The following CCND3 variants were observed in gnomAD, a reference collection of about 807,000 sequenced individuals.
CCND3 encodes G1/S-specific cyclin-D3.
A neutral mutation model predicts 28.7 loss-of-function variants in CCND3; 9 were observed. That is an observed-to-expected ratio of 0.31 (90% CI 0.19 to 0.55). The LOEUF (loss-of-function observed/expected upper bound fraction) is 0.55. Ranked by LOEUF, CCND3 falls within the 20% of genes least tolerant of loss-of-function variation. The pLI, the probability that CCND3 is intolerant of heterozygous loss-of-function variation, is 0.93. For missense variants in CCND3, 315 were observed against 385.8 expected, an observed-to-expected ratio of 0.82 and a Z score of 1.54; for synonymous variants, 164 against 163.9, an observed-to-expected ratio of 1.00 and a Z score of 0.00.
At chr6:41,998,349 AT>A (rs34342484) in intron 1 of CCND3, among the ~76,000 whole-genome samples, 105,803 of 117,226 alleles carry the variant, frequency 0.9, 47,838 homozygotes, top group East Asian at 0.98. Flanking sequence ...ACAATATCCA[AT>A]TTTTTTTTTT....
intron 1 of CCND3, among the ~76,000 whole-genome samples, chr6:41,961,459 C>A (rs1009511865): frequency 6.6e-6 from 1 of 152,050 alleles, no homozygotes; most frequent in Admixed American, 6.5e-5. Context: ...CCCAGCTACT[C>A]GTGAGGCTGA....
At position 41,935,132 on chromosome 6, in the gene CCND3, A is replaced by T; in HGVS notation, c.*808T>A. 1 of 233,250 alleles carries T rather than the reference A, an allele frequency of 4.3e-6. No individual in the cohort carries two copies. The allele number at this position is 233,250 out of a possible 1,614,324, so 14.4% of individuals were successfully genotyped here. On this transcript the variant is annotated 3_prime_UTR_variant, in exon 5 of 5. Transcript: ENST00000372991. ...TGCTGGAGGATGGGGCAGAGGGACA[A>T]TGGGAGAGGAGGGCATGACCCCACC...
intron 1 of CCND3, among the ~76,000 whole-genome samples, chr6:42,017,076 C>G (rs1763541942): frequency 6.6e-6 from 1 of 152,214 alleles, no homozygotes; most frequent in South Asian, 2.1e-4. Context: ...AGGGCAGGGG[C>G]ACGTCCTGGA....
At chr6:41,940,815 C>A in intron 1 of CCND3, 1 of 986,678 alleles carries the variant, frequency 1.0e-6, no homozygotes, top group Non-Finnish European at 1.6e-6. Flanking sequence ...AGTGGTAAAG[C>A]CAAGGAGCCC....
chr6:41,937,248 G>A lies in CCND3; in HGVS notation c.561C>T (p.Ala187=), dbSNP rs1349925224. Reference sequence around the variant, plus strand: ...TAGGGCTCTTACCTGTAGCACAGAGGGCCAAAAAGGTCTGGGCATGCTTTT... The same window carrying A: ...TAGGGCTCTTACCTGTAGCACAGAGAGCCAAAAAGGTCTGGGCATGCTTTT... The part of the protein sequence containing the change: ...LVKKHAQTFL[A]LCATDYTFAM... Residue 187 remains alanine (A), a synonymous_variant, in exon 3 of 5, where the codon GCC becomes GCT. Transcript: ENST00000372991. 5 of 1,614,076 alleles carry A rather than the reference G, an allele frequency of 3.1e-6. No individual in the cohort carries two copies. In the Admixed American group the frequency reaches 8.3e-5, roughly 27 times the overall value.
intron 1 of CCND3, among the ~76,000 whole-genome samples, chr6:42,021,221 AAACTTT>A (rs1763703836): frequency 6.6e-6 from 1 of 152,252 alleles, no homozygotes; most frequent in Non-Finnish European, 1.5e-5. Flanking sequence ...TTTATACATT[AAACTTT>A]ATCATTGGTA....
Position 41,941,632 on chromosome 6 carries a change from G to T in CCND3, c.18C>A (p.Cys6Ter). The T allele has an allele frequency of 6.6e-7, 1 of 1,507,668 alleles. No individual in the cohort carries two copies. 93.4% of individuals were successfully genotyped at this position (1,507,668 alleles called of 1,614,324 possible). MELLC[C>*]EGTRHAPRAG... ...CCCGGGGCGCGTGCCGGGTGCCTTC[G>T]CAACACAGCAGCTCCATACTCGGGC... The change falls in exon 1 of 5, where the codon TGC becomes TGA. Residue 6 changes from cysteine (C) to a stop codon, truncating the protein, a stop_gained. Transcript: ENST00000372991. LOFTEE classifies it high-confidence loss of function. The surrounding 1 kb of genome is among the most constrained non-coding windows in gnomAD (Gnocchi z 6.1).
At chr6:42,045,048 C>T (rs142937763) in intron 1 of CCND3, among the ~76,000 whole-genome samples, 5,496 of 151,498 alleles carry the variant, frequency 0.036, 154 homozygotes, top group East Asian at 0.094. Context: ...TCGTGATCCG[C>T]CCACCTTGGC....
chr6:42,012,991 G>A (rs1265191012), intron 1 of CCND3, among the ~76,000 whole-genome samples: 1 of 152,116 alleles, frequency 6.6e-6, no homozygotes, highest in East Asian at 1.9e-4. Context: ...CCTTCCTGGA[G>A]CCTCTACCCA....
intron 1 of CCND3, among the ~76,000 whole-genome samples, chr6:42,018,006 G>A (rs1022769223): frequency 2.0e-5 from 3 of 151,716 alleles, no homozygotes; most frequent in African/African-American, 7.2e-5. Context: ...AAAATTAGCC[G>A]GGCATGGTGG....
intron 1 of CCND3, among the ~76,000 whole-genome samples, chr6:42,002,351 C>T (rs1003814982): frequency 1.5e-4 from 23 of 149,514 alleles, no homozygotes; most frequent in African/African-American, 5.4e-4. Flanking sequence ...GAGGCTGAGG[C>T]AGGAGAATTG....
At chr6:41,951,768 T>G (rs543940399) in intron 1 of CCND3, among the ~76,000 whole-genome samples, 6 of 151,828 alleles carry the variant, frequency 4.0e-5, no homozygotes, top group African/African-American at 1.5e-4. Flanking sequence ...TTTATTTTTT[T>G]TATTTTCTGA....
chr6:42,031,943 T>C (rs1255704794), intron 1 of CCND3, among the ~76,000 whole-genome samples: 1 of 150,172 alleles, frequency 6.7e-6, no homozygotes, highest in Non-Finnish European at 1.5e-5. Flanking sequence ...GCACGCATCA[T>C]CACACCGGTC....
At chr6:41,987,477 TTCTCTCTCTCTCTCTCTC>T (rs71544258) in intron 1 of CCND3, among the ~76,000 whole-genome samples, 3 of 126,490 alleles carry the variant, frequency 2.4e-5, no homozygotes, top group South Asian at 2.6e-4. Flanking sequence ...GACCAGGCTT[TTCTCTCTCTCTCTCTCTC>T]TCTCTCTCTC....
At chr6:42,044,939 C>A (rs566870210) in intron 1 of CCND3, among the ~76,000 whole-genome samples, 1 of 148,520 alleles carries the variant, frequency 6.7e-6, no homozygotes, top group Non-Finnish European at 1.5e-5. Context: ...CAGGCCCGTG[C>A]GACCACGCCC....
At chr6:42,001,606 A>G (rs1264412818) in intron 1 of CCND3, among the ~76,000 whole-genome samples, 1 of 152,098 alleles carries the variant, frequency 6.6e-6, no homozygotes, top group African/African-American at 2.4e-5. Flanking sequence ...GGCAGGAAGC[A>G]GTGGTGCACA....
intron 1 of CCND3, among the ~76,000 whole-genome samples, chr6:41,957,306 T>C (rs1776463318): frequency 6.6e-6 from 1 of 152,136 alleles, no homozygotes; most frequent in South Asian, 2.1e-4. Flanking sequence ...AGGTTAAATT[T>C]AAAAGACAAC....
chr6:41,947,620 CT>C (rs1776202378), intron 1 of CCND3, among the ~76,000 whole-genome samples: 1 of 152,176 alleles, frequency 6.6e-6, no homozygotes, highest in Admixed American at 6.6e-5. Context: ...AAAATCTACT[CT>C]TTTTTTCCTC....
chr6:42,041,740 T>G (rs565268195), intron 1 of CCND3, among the ~76,000 whole-genome samples: 2 of 152,318 alleles, frequency 1.3e-5, no homozygotes, highest in South Asian at 4.1e-4. Flanking sequence ...GCACCCAGCA[T>G]GGCAAAGCTT....
Sources: allele counts gnomAD v4.1 joint callset (sites outside exome capture counted in the v4.1 genomes callset), GRCh38; gene constraint gnomAD v4.1.1; non-coding constraint Gnocchi (gnomAD v3.1); transcripts MANE v1.5; gene names NCBI Gene and HGNC (gene_info 2026-07-23, HGNC 2026-07-21).